MACROD2: variants seen among roughly 807,000 people sequenced by gnomAD.
The protein encoded by MACROD2 is ADP-ribose glycohydrolase MACROD2.
In MACROD2, 36 loss-of-function variants were observed where a neutral mutation model predicts 70.4. That is an observed-to-expected ratio of 0.51 (90% CI 0.39 to 0.68). The LOEUF is 0.68. Ranked by LOEUF, MACROD2 falls within the 30% of genes least tolerant of loss-of-function variation. MACROD2 has a pLI of 0.00. For synonymous variants in MACROD2, 172 were observed against 178.8 expected, an observed-to-expected ratio of 0.96 and a Z score of 0.30; for missense variants, 496 against 538.4, an observed-to-expected ratio of 0.92 and a Z score of 0.78.
At chr20:14,832,723 T>C (rs887365368) in intron 5 of MACROD2, among the ~76,000 whole-genome samples, 4 of 152,158 alleles carry the variant, frequency 2.6e-5, no homozygotes, top group African/African-American at 4.8e-5. Flanking sequence ...GCTACTTCTC[T>C]TAATTTCAGT....
chr20:16,048,057 T>C (rs1424705833), intron 17 of MACROD2, among the ~76,000 whole-genome samples: 1 of 152,148 alleles, frequency 6.6e-6, no homozygotes, highest in Non-Finnish European at 1.5e-5. Flanking sequence ...AATAAACAAA[T>C]TGAAAAATGA....
At position 15,913,458 on chromosome 20, in the gene MACROD2, A is replaced by T. The variant is rs138158329; in HGVS notation, c.776-19818A>T. On this transcript the variant is annotated intron_variant, in intron 10 of 17. Transcript: ENST00000684519. Reference sequence around the variant, plus strand: ...GCCATCTCTCTGTTGCTATCCCTTCAGTAAGTCTGCAATTATTTTTTCAAG... The same window carrying T: ...GCCATCTCTCTGTTGCTATCCCTTCTGTAAGTCTGCAATTATTTTTTCAAG... 5.9e-3 allele frequency among the ~76,000 whole-genome samples: 895 copies of T among 152,216 alleles called. 10 individuals are homozygous for T. Among genetic ancestry groups the T allele is most frequent in the African/African-American group, 0.02 (839 of 41,532 alleles).
At chr20:15,857,438 G>A (rs779489619) in intron 8 of MACROD2, among the ~76,000 whole-genome samples, 66 of 152,200 alleles carry the variant, frequency 4.3e-4, no homozygotes, top group Non-Finnish European at 8.8e-5. Flanking sequence ...ATGTCCTGCC[G>A]AAGGATCCAG....
chr20:15,851,554 T>C (rs1396326803), intron 8 of MACROD2, among the ~76,000 whole-genome samples: 1 of 152,088 alleles, frequency 6.6e-6, no homozygotes, highest in Non-Finnish European at 1.5e-5. Flanking sequence ...TTAGGGCCTA[T>C]CCCCGTGACC....
intron 8 of MACROD2, among the ~76,000 whole-genome samples, chr20:15,636,778 A>G (rs548039679): frequency 6.6e-6 from 1 of 152,186 alleles, no homozygotes; most frequent in Admixed American, 6.5e-5. Context: ...CCGGGGTCCT[A>G]TGATGCACAA....
chr20:14,750,954 T>A (rs920301568), intron 5 of MACROD2, among the ~76,000 whole-genome samples: 1 of 152,122 alleles, frequency 6.6e-6, no homozygotes, highest in Non-Finnish European at 1.5e-5. Flanking sequence ...CTAGATCCCA[T>A]GTACAGTTGA....
intron 9 of MACROD2, among the ~76,000 whole-genome samples, chr20:15,866,967 A>T (rs1235370078): frequency 6.6e-6 from 1 of 152,218 alleles, no homozygotes; most frequent in African/African-American, 2.4e-5. Context: ...AAAGTACCAC[A>T]GAGCAGGCGG....
intron 3 of MACROD2, among the ~76,000 whole-genome samples, chr20:14,266,278 G>A (rs2082143753): frequency 6.6e-6 from 1 of 152,028 alleles, no homozygotes; most frequent in African/African-American, 2.4e-5. Context: ...TAAAATGAGG[G>A]GTTAAGTCTA....
At chr20:15,448,170 T>C (rs189968088) in intron 7 of MACROD2, among the ~76,000 whole-genome samples, 25 of 152,096 alleles carry the variant, frequency 1.6e-4, no homozygotes, top group Non-Finnish European at 1.0e-4. Context: ...AATCCAAAAT[T>C]CCAAGAACAT....
intron 4 of MACROD2, among the ~76,000 whole-genome samples, chr20:14,538,960 C>T (rs969308191): frequency 7.9e-5 from 12 of 152,168 alleles, no homozygotes; most frequent in Non-Finnish European, 1.3e-4. Context: ...TGTTCTGTTT[C>T]GCTGGTGTGT....
At position 14,486,826 on chromosome 20, in the gene MACROD2, T is replaced by C. The variant is rs73612362; in HGVS notation, c.272-6653T>C. 2.6e-5 allele frequency among the ~76,000 whole-genome samples: 4 copies of C among 152,210 alleles called. No homozygotes were observed. In the East Asian group the frequency reaches 7.7e-4, roughly 29 times the overall value. On this transcript the variant is annotated intron_variant, in intron 3 of 17. Coordinates refer to ENST00000684519, the MANE Select transcript of MACROD2 (RefSeq NM_001351661.2). ...GAGACACCATGCCCAGCCCCAATAT[T>C]CTTTTTGAATTAAATAATCAAAATA...
In MACROD2 at chr20:14,531,828, A is replaced by G. The variant is rs537759252; in HGVS notation, c.301+38320A>G. Reference sequence around the variant, plus strand: ...AGCCCACAAGAAGCTACCTCCGGGAAGGGAAGGTTGAGGAGCTTCCTCAAG... The same window carrying G: ...AGCCCACAAGAAGCTACCTCCGGGAGGGGAAGGTTGAGGAGCTTCCTCAAG... On this transcript the variant is annotated intron_variant, in intron 4 of 17. Transcript: ENST00000684519. 2.0e-4 allele frequency among the ~76,000 whole-genome samples: 30 copies of G among 152,266 alleles called. No individual in the cohort carries two copies. In the South Asian group the frequency reaches 6.0e-3, roughly 30 times the overall value.
chr20:15,458,160 G>A (rs2046755397), intron 7 of MACROD2, among the ~76,000 whole-genome samples: 1 of 152,072 alleles, frequency 6.6e-6, no homozygotes, highest in East Asian at 1.9e-4. Context: ...GTTTCAAACT[G>A]TTCTGAGCAT....
At chr20:14,241,477 A>G (rs778586085) in intron 3 of MACROD2, among the ~76,000 whole-genome samples, 1 of 152,152 alleles carries the variant, frequency 6.6e-6, no homozygotes, top group Non-Finnish European at 1.5e-5. Flanking sequence ...CATAACAGAC[A>G]TGGAAACACG....
chr20:14,612,957 A>G (rs181577232), intron 4 of MACROD2, among the ~76,000 whole-genome samples: 195 of 152,184 alleles, frequency 1.3e-3, no homozygotes, highest in African/African-American at 4.6e-3. Context: ...CTATGCACCT[A>G]CAGTGAAGTT....
At chr20:15,760,515 G>A (rs1036045911) in intron 8 of MACROD2, among the ~76,000 whole-genome samples, 1 of 152,102 alleles carries the variant, frequency 6.6e-6, no homozygotes, top group Non-Finnish European at 1.5e-5. Flanking sequence ...CTTGGTCATT[G>A]GGACAGGAAA....
intron 2 of MACROD2, among the ~76,000 whole-genome samples, chr20:14,016,853 C>A (rs772128343): frequency 5.3e-5 from 8 of 152,018 alleles, no homozygotes; most frequent in Non-Finnish European, 8.8e-5. Context: ...CCTTGAGATT[C>A]CAAATGAATT....
intron 9 of MACROD2, among the ~76,000 whole-genome samples, chr20:15,874,433 A>T (rs976232809): frequency 4.6e-5 from 7 of 152,102 alleles, no homozygotes; most frequent in Non-Finnish European, 7.4e-5. Context: ...TATACCCAGT[A>T]GTGGGGTGGC....
intron 3 of MACROD2, among the ~76,000 whole-genome samples, chr20:14,218,045 T>C (rs999200268): frequency 2.6e-5 from 4 of 152,224 alleles, no homozygotes; most frequent in Non-Finnish European, 4.4e-5. Context: ...TGTTCCAAGA[T>C]ATAGTTTAAA....
Sources: gnomAD v4.1 joint callset for allele counts (sites outside exome capture counted in the v4.1 genomes callset) on GRCh38, gnomAD v4.1.1 for gene constraint, MANE v1.5 for transcripts, NCBI Gene and HGNC (gene_info 2026-07-23, HGNC 2026-07-21) for gene names.